CRYM: variants seen among roughly 807,000 people sequenced by gnomAD.
CRYM encodes the protein ketimine reductase mu-crystallin.
CRYM carries 18 observed loss-of-function variants against 32.9 expected under a neutral mutation model. The ratio of observed to expected loss-of-function variants is 0.55; its 90% CI spans 0.38 to 0.81. CRYM has a LOEUF of 0.81. Among genes scored for constraint, CRYM ranks in the 30% least tolerant of loss-of-function variants. CRYM has a pLI of 0.00. For synonymous variants in CRYM, 153 were observed against 152.4 expected, an observed-to-expected ratio of 1.00 and a Z score of -0.03; for missense variants, 337 against 393.5, an observed-to-expected ratio of 0.86 and a Z score of 1.21.
chr16:21,276,429 G>A (rs764552178), intron 2 of CRYM, among the ~76,000 whole-genome samples: 2 of 152,132 alleles, frequency 1.3e-5, no homozygotes, highest in Non-Finnish European at 2.9e-5. Flanking sequence ...AGATTATTTG[G>A]CGATCCAGAA....
upstream of CRYM, among the ~76,000 whole-genome samples, chr16:21,281,911 T>C (rs2093398810): frequency 2.0e-5 from 3 of 152,364 alleles, no homozygotes; most frequent in Admixed American, 2.0e-4. Context: ...AGCCAACCTG[T>C]TGAGCATAAA....
intron 5 of CRYM, among the ~76,000 whole-genome samples, chr16:21,263,461 C>T (rs932442776): frequency 3.9e-5 from 6 of 152,026 alleles, no homozygotes; most frequent in African/African-American, 7.2e-5. Flanking sequence ...GTGATCCTCC[C>T]GCCTCAGCCT....
At chr16:21,262,706 C>T (rs143693362) in intron 5 of CRYM, among the ~76,000 whole-genome samples, 39 of 152,222 alleles carry the variant, frequency 2.6e-4, no homozygotes, top group South Asian at 6.2e-4. Flanking sequence ...GATTTTGAGA[C>T]GACATAGCAT....
intron 1 of CRYM, among the ~76,000 whole-genome samples, chr16:21,298,208 C>T (rs879459233): frequency 1.2e-4 from 19 of 152,114 alleles, no homozygotes; most frequent in Non-Finnish European, 2.2e-4. Context: ...GGATATTCAC[C>T]AGTTCTGTGT....
At chr16:21,266,442 T>G (rs953121396) in intron 5 of CRYM, among the ~76,000 whole-genome samples, 3 of 152,136 alleles carry the variant, frequency 2.0e-5, no homozygotes, top group Non-Finnish European at 4.4e-5. Context: ...TAGTATTAGA[T>G]GTAGACCAGC....
rs531798109 is a variant in CRYM at position 21,261,046 on chromosome 16, G to A, written c.880+208C>T. On this transcript the variant is annotated intron_variant, in intron 7 of 7. Coordinates refer to ENST00000572914, the MANE Select transcript of CRYM (RefSeq NM_001376256.1). ...CACTTGCCTAAGGACACCTGCCTTT[G>A]AGTGGCGGGGAAGGGACTCTGACCC... 78 of 620,906 alleles carry A rather than the reference G, an allele frequency of 1.3e-4. No homozygotes were observed. In the South Asian group the frequency reaches 1.4e-3, roughly 11 times the overall value. 38.5% of individuals were successfully genotyped at this position (620,906 alleles called of 1,614,324 possible).
chr16:21,277,697 T>C lies in CRYM; in HGVS notation c.171-113A>G. On this transcript the variant is annotated intron_variant, in intron 1 of 7. Coordinates refer to ENST00000572914, the MANE Select transcript of CRYM (RefSeq NM_001376256.1). This position sits in a 1 kb window ranked among gnomAD's most constrained non-coding sequence, Gnocchi z 4.2. ...CTTCCTCACCACCCCACTGGCCCTC[T>C]TCCAGCCCCCGCATCCCTCTGCCCT... is the stretch of plus-strand genomic sequence containing the variant. 8.5e-7 allele frequency: 1 copy of C among 1,179,960 alleles called. No individual in the cohort carries two copies. 73.1% of individuals were successfully genotyped at this position (1,179,960 alleles called of 1,614,324 possible). A position where few individuals can be genotyped will look rare whatever the true frequency, so the allele number is the denominator to read the frequency against.
At chr16:21,272,269 G>T (rs1053958219) in intron 3 of CRYM, among the ~76,000 whole-genome samples, 4 of 152,078 alleles carry the variant, frequency 2.6e-5, no homozygotes, top group South Asian at 2.1e-4. Flanking sequence ...AATCTGCTGG[G>T]TTTCTCATTT....
chr16:21,272,847 T>C (rs1363792223), intron 3 of CRYM, among the ~76,000 whole-genome samples: 2 of 90,210 alleles, frequency 2.2e-5, no homozygotes, highest in Non-Finnish European at 4.8e-5. Flanking sequence ...TTTTTTTTTT[T>C]AGTACAGATG....
intron 1 of CRYM, chr16:21,283,609 T>G (rs1464865092): frequency 6.7e-6 from 1 of 149,430 alleles, no homozygotes; most frequent in African/African-American, 2.5e-5. Flanking sequence ...AAGCAACGGA[T>G]GAAGTATCTC....
At chr16:21,290,555 C>G (rs1157841402) in intron 1 of CRYM, among the ~76,000 whole-genome samples, 3 of 152,196 alleles carry the variant, frequency 2.0e-5, no homozygotes, top group Non-Finnish European at 2.9e-5. Context: ...CGGGAGGGAA[C>G]CAATTCTGGC....
rs2093355578 is a variant in CRYM at position 21,262,081 on chromosome 16, G to A, written c.751C>T (p.Gln251Ter). 1 of 1,614,106 alleles carries A rather than the reference G, an allele frequency of 6.2e-7. No homozygotes were observed. The highest frequency in any genetic ancestry group is 8.5e-7 in the Non-Finnish European group (1 of 1,180,002). The change falls in exon 6 of 8, where the codon CAG becomes TAG. Residue 251 changes from glutamine to a stop codon, truncating the protein, a stop_gained. Coordinates refer to ENST00000572914, the MANE Select transcript of CRYM (RefSeq NM_001376256.1). LOFTEE classifies it high-confidence loss of function. ...CCAGACTCCTTCAGGGCAGCCTCCT[G>A]GGAATCCACGTACAGCACAGCTTCT... ...MKEAVLYVDS[Q>*]EAALKESGDV...
At chr16:21,281,259 T>A (rs1170990710), upstream of CRYM, among the ~76,000 whole-genome samples, 1 of 151,302 alleles carries the variant, frequency 6.6e-6, no homozygotes, top group African/African-American at 2.4e-5. Flanking sequence ...TATATATATA[T>A]AAATTTTTTT....
At position 21,277,003 on chromosome 16, in the gene CRYM, A is replaced by G. The variant is rs1361119928; in HGVS notation, c.324+428T>C. Among the ~76,000 whole-genome samples the G allele has an allele frequency of 1.3e-5, 2 of 152,176 alleles. No individual in the cohort carries two copies. The highest frequency in any genetic ancestry group is 4.8e-5 in the African/African-American group (2 of 41,420). The stretch of plus-strand genomic sequence containing the variant: ...TGCTACCTTTTGAAACTATGATTAG[A>G]TATTAAAACAGGTCACACCGTATAC... On this transcript the variant is annotated intron_variant, in intron 2 of 7. Coordinates refer to ENST00000572914, the MANE Select transcript of CRYM (RefSeq NM_001376256.1). The surrounding 1 kb of genome is among the most constrained non-coding windows in gnomAD (Gnocchi z 4.2).
chr16:21,268,247 T>C (rs2093368145), intron 4 of CRYM, among the ~76,000 whole-genome samples: 1 of 152,206 alleles, frequency 6.6e-6, no homozygotes, highest in African/African-American at 2.4e-5. Flanking sequence ...GGGAGATTCA[T>C]ATGAAGGATT....
intron 1 of CRYM, among the ~76,000 whole-genome samples, chr16:21,290,016 A>G (rs538653984): frequency 2.0e-5 from 3 of 148,920 alleles, no homozygotes; most frequent in Admixed American, 6.6e-5. Context: ...TGGACCAATC[A>G]GCACTCTGTA....
intron 5 of CRYM, among the ~76,000 whole-genome samples, chr16:21,262,590 G>A (rs2093356533): frequency 6.6e-6 from 1 of 152,120 alleles, no homozygotes; most frequent in South Asian, 2.1e-4. Context: ...CTGCACTCCA[G>A]CCTGGGCAAC....
At chr16:21,271,927 C>T (rs2093376212) in intron 3 of CRYM, among the ~76,000 whole-genome samples, 1 of 151,810 alleles carries the variant, frequency 6.6e-6, no homozygotes, top group Admixed American at 6.6e-5. Flanking sequence ...GGTGTGATCT[C>T]AGCTCACTGC....
Position 21,284,536 on chromosome 16 carries a change from AG to A in CRYM, c.-192-5577del, listed in dbSNP as rs1375541860. 2.0e-5 allele frequency among the ~76,000 whole-genome samples: 3 copies of A among 152,110 alleles called. No homozygotes were observed. The East Asian group carries it at 5.8e-4, about 29-fold the overall frequency. On this transcript the variant is annotated intron_variant, in intron 1 of 9. Coordinates refer to the CRYM transcript ENST00000219599. ...TCTACTTTTTTGTTTGTGGATTTGT[AG>A]GTTCTAGACATTTCTTTCTTTCTTT...
Sources: gnomAD v4.1 joint callset for allele counts (sites outside exome capture counted in the v4.1 genomes callset) on GRCh38, gnomAD v4.1.1 for gene constraint, Gnocchi (gnomAD v3.1) non-coding constraint, MANE v1.5 for transcripts, NCBI Gene and HGNC (gene_info 2026-07-23, HGNC 2026-07-21) for gene names.